Variants in SPAG16 observed in about 807,000 individuals in gnomAD.
SPAG16 encodes the protein sperm associated antigen 16.
SPAG16 carries 86 observed loss-of-function variants against 80.4 expected under a neutral mutation model. The observed-to-expected ratio is 1.07, with a 90% confidence interval of 0.90 to 1.28. The LOEUF is 1.28. Ranked by LOEUF, SPAG16 falls within the 50% of genes most tolerant of loss-of-function variation. The pLI, the probability that SPAG16 is intolerant of heterozygous loss-of-function variation, is 0.00. For synonymous variants in SPAG16, 294 were observed against 265.9 expected (o/e 1.11, Z -1.03); for missense variants, 870 against 765.3 (o/e 1.14, Z -1.61).
intron 10 of SPAG16, among the ~76,000 whole-genome samples, chr2:213,834,353 G>A (rs1034797105): frequency 2.0e-5 from 3 of 152,158 alleles, no homozygotes; most frequent in Admixed American, 2.0e-4. Context: ...TAGACCCAGG[G>A]AAAATGGTGT....
intron 15 of SPAG16, among the ~76,000 whole-genome samples, chr2:214,320,738 T>G (rs1241584610): frequency 6.6e-6 from 1 of 152,172 alleles, no homozygotes; most frequent in Admixed American, 6.5e-5. Context: ...TGGGGGAAAC[T>G]GCACCCATGA....
At chr2:213,721,064 T>C (rs941385239) in intron 10 of SPAG16, among the ~76,000 whole-genome samples, 3 of 151,966 alleles carry the variant, frequency 2.0e-5, no homozygotes, top group African/African-American at 7.2e-5. Context: ...AAGTAAGTTC[T>C]TAAAACATTT....
At chr2:213,547,030 C>T (rs560940092) in intron 10 of SPAG16, among the ~76,000 whole-genome samples, 9 of 152,094 alleles carry the variant, frequency 5.9e-5, no homozygotes, top group Non-Finnish European at 1.3e-4. Context: ...TTACATTTCA[C>T]TATGGAGCAT....
intron 15 of SPAG16, among the ~76,000 whole-genome samples, chr2:214,187,201 T>G (rs2057507460): frequency 6.6e-6 from 1 of 151,160 alleles, no homozygotes. Flanking sequence ...TACACCAATA[T>G]ATATCCCCAC....
At chr2:213,320,299 TATG>T (rs758154896) in intron 5 of SPAG16, among the ~76,000 whole-genome samples, 14 of 152,010 alleles carry the variant, frequency 9.2e-5, no homozygotes, top group Non-Finnish European at 1.8e-4. Flanking sequence ...CATTTGTACA[TATG>T]ATAATTGTAC....
chr2:214,280,392 T>A (rs1576666543), intron 15 of SPAG16, among the ~76,000 whole-genome samples: 1 of 152,192 alleles, frequency 6.6e-6, no homozygotes, highest in East Asian at 1.9e-4. Context: ...CGTATGGAAA[T>A]AAAAAAATAT....
At chr2:213,584,498 CAT>C (rs138817693) in intron 10 of SPAG16, among the ~76,000 whole-genome samples, 2,231 of 151,488 alleles carry the variant, frequency 0.015, 23 homozygotes, top group South Asian at 0.035. Flanking sequence ...GAAAAAAAAT[CAT>C]AGAATTTTGT....
intron 15 of SPAG16, among the ~76,000 whole-genome samples, chr2:214,377,985 T>A (rs10171081): frequency 1.2e-3 from 181 of 152,174 alleles, no homozygotes; most frequent in African/African-American, 3.9e-3. Context: ...TGATCACAAA[T>A]GTCCTGGAAA....
intron 9 of SPAG16, among the ~76,000 whole-genome samples, chr2:213,449,746 T>C (rs1321644556): frequency 6.6e-6 from 1 of 152,046 alleles, no homozygotes; most frequent in Non-Finnish European, 1.5e-5. Flanking sequence ...CAATGCACAG[T>C]TTACTCATGG....
intron 10 of SPAG16, among the ~76,000 whole-genome samples, chr2:213,580,284 C>G (rs1042149584): frequency 3.3e-5 from 5 of 152,096 alleles, no homozygotes; most frequent in African/African-American, 1.2e-4. Context: ...CAAATACCCA[C>G]TTATTCATCA....
intron 13 of SPAG16, among the ~76,000 whole-genome samples, chr2:214,015,360 AG>A (rs1477259290): frequency 3.3e-5 from 5 of 152,052 alleles, no homozygotes; most frequent in Admixed American, 1.3e-4. Context: ...CCACTTTGGG[AG>A]GCTAAGGCAG....
intron 10 of SPAG16, among the ~76,000 whole-genome samples, chr2:213,721,279 A>G (rs1260190090): frequency 6.6e-6 from 1 of 151,744 alleles, no homozygotes; most frequent in East Asian, 1.9e-4. Flanking sequence ...TTGTATTTTT[A>G]GTAGAGATGG....
At chr2:213,293,852 C>T (rs1052603606) in intron 1 of SPAG16, among the ~76,000 whole-genome samples, 2 of 152,150 alleles carry the variant, frequency 1.3e-5, no homozygotes, top group African/African-American at 4.8e-5. Context: ...TTTACATATA[C>T]ATTGTGAAAT....
rs985713769 is a variant in SPAG16 at position 214,280,807 on chromosome 2, A to G, written c.1721-129333A>G. On this transcript the variant is annotated intron_variant, in intron 15 of 15. Transcript: ENST00000331683. ...CATATAGCAGCATGAGCTTTCTTAT[A>G]CATCTCCTCCATGTCTAGAGTTATG... The G allele has an allele frequency of 1.5e-5, 7 of 452,766 alleles. No individual in the cohort carries two copies. In the Admixed American group the frequency reaches 1.7e-4, roughly 11 times the overall value. 28.0% of individuals were successfully genotyped at this position (452,766 alleles called of 1,614,324 possible).
At chr2:213,315,649 G>C (rs567177722) in intron 4 of SPAG16, among the ~76,000 whole-genome samples, 3 of 151,766 alleles carry the variant, frequency 2.0e-5, no homozygotes, top group Admixed American at 6.6e-5. Context: ...TAGTCTCTCA[G>C]ACGTACTCTC....
intron 10 of SPAG16, among the ~76,000 whole-genome samples, chr2:213,681,914 T>G (rs1353869820): frequency 6.6e-6 from 1 of 152,218 alleles, no homozygotes; most frequent in Non-Finnish European, 1.5e-5. Context: ...TTCTTAATAT[T>G]TCTCTCTTCC....
chr2:213,860,259 T>C (rs866141716), intron 10 of SPAG16, among the ~76,000 whole-genome samples: 34 of 151,794 alleles, frequency 2.2e-4, no homozygotes, highest in Admixed American at 1.8e-3. Flanking sequence ...TTTCTATATA[T>C]GCTGAAAATA....
intron 10 of SPAG16, among the ~76,000 whole-genome samples, chr2:213,857,813 G>A (rs1412770217): frequency 6.6e-6 from 1 of 152,092 alleles, no homozygotes; most frequent in African/African-American, 2.4e-5. Flanking sequence ...AAAACCTTCT[G>A]GAAAGAGACT....
intron 13 of SPAG16, among the ~76,000 whole-genome samples, chr2:214,016,518 C>A (rs1575834141): frequency 1.3e-5 from 2 of 152,110 alleles, no homozygotes; most frequent in African/African-American, 4.8e-5. Flanking sequence ...ACAAAGTAAA[C>A]AACATGTAGG....
Sources: allele counts gnomAD v4.1 joint callset (sites outside exome capture counted in the v4.1 genomes callset), GRCh38; gene constraint gnomAD v4.1.1; transcripts MANE v1.5; gene names NCBI Gene and HGNC (gene_info 2026-07-23, HGNC 2026-07-21).